Variants in SPAG16 observed in about 807,000 individuals in gnomAD.
The protein encoded by SPAG16 is sperm associated antigen 16, also known as sperm-associated antigen 16 protein.
SPAG16 carries 86 observed loss-of-function variants against 80.4 expected under a neutral mutation model. The ratio of observed to expected loss-of-function variants is 1.07; its 90% CI spans 0.90 to 1.28. The LOEUF (loss-of-function observed/expected upper bound fraction) is 1.28, where lower values mean the gene tolerates loss of function less well. Among genes scored for constraint, SPAG16 ranks in the 50% most tolerant of loss-of-function variants. The pLI is 0.00. For synonymous variants in SPAG16, 294 were observed against 265.9 expected, an observed-to-expected ratio of 1.11 and a Z score of -1.03; for missense variants, 870 against 765.3, an observed-to-expected ratio of 1.14 and a Z score of -1.61.
chr2:213,702,744 A>G (rs1297745997), intron 10 of SPAG16, among the ~76,000 whole-genome samples: 1 of 152,216 alleles, frequency 6.6e-6, no homozygotes, highest in African/African-American at 2.4e-5. Flanking sequence ...TTGACACATT[A>G]AAATCTCAAA....
chr2:213,410,169 C>T (rs540216662), intron 9 of SPAG16, among the ~76,000 whole-genome samples: 1 of 152,302 alleles, frequency 6.6e-6, no homozygotes, highest in African/African-American at 2.4e-5. Flanking sequence ...GAAAACCCTA[C>T]CGAACTAAAG....
chr2:213,484,683 A>C (rs530360262), intron 9 of SPAG16, among the ~76,000 whole-genome samples: 3 of 152,316 alleles, frequency 2.0e-5, no homozygotes, highest in Non-Finnish European at 4.4e-5. Flanking sequence ...AATTAATTTA[A>C]ATGGTCAGTG....
intron 10 of SPAG16, among the ~76,000 whole-genome samples, chr2:213,715,373 T>C (rs991162573): frequency 5.9e-5 from 9 of 152,158 alleles, no homozygotes; most frequent in African/African-American, 2.2e-4. Flanking sequence ...ACTGCTAAAG[T>C]ACATCATAAA....
chr2:213,718,862 G>A (rs10153938), intron 10 of SPAG16, among the ~76,000 whole-genome samples: 2,683 of 152,274 alleles, frequency 0.018, 90 homozygotes, highest in African/African-American at 0.061. Flanking sequence ...ACCACCCAAG[G>A]GCTGAGGAAT....
intron 9 of SPAG16, among the ~76,000 whole-genome samples, chr2:213,482,737 C>T (rs962254392): frequency 6.6e-6 from 1 of 152,028 alleles, no homozygotes; most frequent in Non-Finnish European, 1.5e-5. Context: ...TTGTGAATCA[C>T]GGTTCTGATT....
intron 14 of SPAG16, among the ~76,000 whole-genome samples, chr2:214,131,375 TA>T (rs5838411): frequency 0.22 from 29,825 of 135,810 alleles, 3,211 homozygotes; most frequent in Middle Eastern, 0.29. Flanking sequence ...AACTCAAAAT[TA>T]AAAAAAAAAA....
At chr2:213,705,296 GAGGA>G (rs955304218) in intron 10 of SPAG16, among the ~76,000 whole-genome samples, 17 of 151,480 alleles carry the variant, frequency 1.1e-4, no homozygotes, top group Admixed American at 6.6e-4. Flanking sequence ...GGGAGGGAGG[GAGGA>G]AGGAAGGAAG....
chr2:213,807,355 A>T (rs2071832337), intron 10 of SPAG16, among the ~76,000 whole-genome samples: 1 of 150,742 alleles, frequency 6.6e-6, no homozygotes, highest in African/African-American at 2.4e-5. Context: ...TCCCCTCAAC[A>T]TTTCCCTACA....
chr2:213,695,025 C>T (rs1025993026), intron 10 of SPAG16, among the ~76,000 whole-genome samples: 2 of 152,098 alleles, frequency 1.3e-5, no homozygotes, highest in African/African-American at 4.8e-5. Flanking sequence ...ATAGACTTGA[C>T]ATGTAAAATT....
At chr2:213,915,394 C>T (rs142233407) in intron 11 of SPAG16, among the ~76,000 whole-genome samples, 1 of 151,518 alleles carries the variant, frequency 6.6e-6, no homozygotes, top group African/African-American at 2.4e-5. Flanking sequence ...GTTTTCTGTT[C>T]CTGTTTTAGT....
intron 11 of SPAG16, among the ~76,000 whole-genome samples, chr2:213,870,426 A>T (rs1329739266): frequency 6.6e-6 from 1 of 152,190 alleles, no homozygotes; most frequent in Non-Finnish European, 1.5e-5. Context: ...TGTATTATAG[A>T]TAAATAAATA....
intron 9 of SPAG16, among the ~76,000 whole-genome samples, chr2:213,456,211 A>G (rs537058162): frequency 6.6e-6 from 1 of 152,350 alleles, no homozygotes; most frequent in South Asian, 2.1e-4. Flanking sequence ...CTGTGCTTTT[A>G]GAAGAATTTG....
chr2:213,506,933 C>T (rs2074992807), intron 10 of SPAG16, among the ~76,000 whole-genome samples: 1 of 152,174 alleles, frequency 6.6e-6, no homozygotes, highest in South Asian at 2.1e-4. Flanking sequence ...ACATCATATG[C>T]TTTCACAATG....
intron 10 of SPAG16, among the ~76,000 whole-genome samples, chr2:213,622,878 G>T (rs564179364): frequency 1.3e-5 from 2 of 152,276 alleles, no homozygotes; most frequent in African/African-American, 4.8e-5. Context: ...ATTCAGAAGA[G>T]AAATGTAACT....
intron 15 of SPAG16, among the ~76,000 whole-genome samples, chr2:214,357,745 T>A (rs1297659687): frequency 3.3e-5 from 5 of 151,990 alleles, no homozygotes; most frequent in Non-Finnish European, 5.9e-5. Flanking sequence ...CTTGTTACCT[T>A]ATTTATTTTG....
At chr2:213,604,937 A>T (rs2061201833) in intron 10 of SPAG16, among the ~76,000 whole-genome samples, 1 of 148,790 alleles carries the variant, frequency 6.7e-6, no homozygotes. Flanking sequence ...TATATTATAT[A>T]TAAAATATTT....
At chr2:213,744,779 A>G (rs184223656) in intron 10 of SPAG16, among the ~76,000 whole-genome samples, 1 of 152,318 alleles carries the variant, frequency 6.6e-6, no homozygotes, top group African/African-American at 2.4e-5. Context: ...AACTGGATAC[A>G]TAGTTTGGCA....
intron 10 of SPAG16, among the ~76,000 whole-genome samples, chr2:213,796,676 G>C (rs1311519925): frequency 6.6e-6 from 1 of 152,072 alleles, no homozygotes; most frequent in African/African-American, 2.4e-5. Context: ...GGTGATGCTG[G>C]TGTCAACAAA....
At chr2:213,618,864 C>T (rs1007418601) in intron 10 of SPAG16, among the ~76,000 whole-genome samples, 1 of 152,100 alleles carries the variant, frequency 6.6e-6, no homozygotes. Context: ...TCCAGATTCC[C>T]TGCTTTTCTT....
Sources: gnomAD v4.1 joint callset for allele counts (sites outside exome capture counted in the v4.1 genomes callset) on GRCh38, gnomAD v4.1.1 for gene constraint, MANE v1.5 for transcripts, NCBI Gene and HGNC (gene_info 2026-07-23, HGNC 2026-07-21) for gene names.